FAM161A: variants seen among roughly 807,000 people sequenced by gnomAD.
The protein encoded by FAM161A is protein FAM161A.
A neutral mutation model predicts 70.9 loss-of-function variants in FAM161A; 57 were observed. The ratio of observed to expected loss-of-function variants is 0.80; its 90% CI spans 0.65 to 1.00. FAM161A has a LOEUF of 1.00. Among genes scored for constraint, FAM161A ranks in the 50% least tolerant of loss-of-function variants. FAM161A has a pLI of 0.00. For missense variants in FAM161A, 880 were observed against 836.0 expected, an observed-to-expected ratio of 1.05 and a Z score of -0.65; for synonymous variants, 299 against 295.7, an observed-to-expected ratio of 1.01 and a Z score of -0.12.
intron 5 of FAM161A, among the ~76,000 whole-genome samples, chr2:61,829,802 A>G (rs980447139): frequency 8.5e-5 from 13 of 152,192 alleles, no homozygotes; most frequent in African/African-American, 3.1e-4. Flanking sequence ...AGGACAACAT[A>G]GTTTATTCTG....
At chr2:61,824,309 T>C (rs749515745), downstream of FAM161A, among the ~76,000 whole-genome samples, 9 of 151,460 alleles carry the variant, frequency 5.9e-5, no homozygotes, top group Non-Finnish European at 1.0e-4. Flanking sequence ...AAGTGAACAG[T>C]GATATGCACA....
intron 1 of FAM161A, among the ~76,000 whole-genome samples, chr2:61,845,756 C>A (rs1444921135): frequency 2.6e-5 from 4 of 151,376 alleles, no homozygotes; most frequent in Non-Finnish European, 5.9e-5. Flanking sequence ...GAGCGCGCCA[C>A]TGCACTTGAG....
the FAM161A span, among the ~76,000 whole-genome samples, chr2:61,808,727 T>A: frequency 6.6e-6 from 1 of 152,056 alleles, no homozygotes; most frequent in Non-Finnish European, 1.5e-5. Context: ...AAAAGGTAAA[T>A]TGCTACTCTT....
intron 5 of FAM161A, among the ~76,000 whole-genome samples, chr2:61,832,420 A>C (rs1672617145): frequency 6.6e-6 from 1 of 152,240 alleles, no homozygotes; most frequent in Admixed American, 6.5e-5. Context: ...AAATTTGAGG[A>C]AATCTTCCAG....
At chr2:61,832,847 T>C (rs1332114551) in intron 5 of FAM161A, among the ~76,000 whole-genome samples, 1 of 152,094 alleles carries the variant, frequency 6.6e-6, no homozygotes, top group Non-Finnish European at 1.5e-5. Flanking sequence ...CCCTGGTCTG[T>C]GGAAAAATGG....
intron 4 of FAM161A, 21 bp downstream of exon 4, chr2:61,838,517 T>G (rs1672856575): frequency 6.3e-7 from 1 of 1,595,386 alleles, no homozygotes; most frequent in South Asian, 1.1e-5. Context: ...GGTCTGGAGA[T>G]TCAAGATTTT....
At chr2:61,847,612 A>G (rs1673274275) in intron 1 of FAM161A, among the ~76,000 whole-genome samples, 1 of 152,074 alleles carries the variant, frequency 6.6e-6, no homozygotes, top group Non-Finnish European at 1.5e-5. Context: ...CTCTACAAAA[A>G]ATACAAAAAA....
chr2:61,810,131 G>A, the FAM161A span, among the ~76,000 whole-genome samples: 3 of 152,184 alleles, frequency 2.0e-5, no homozygotes, highest in Non-Finnish European at 2.9e-5. Context: ...AATGGCCATT[G>A]TAAACCACTA....
At position 61,842,275 on chromosome 2, in the gene FAM161A, T is replaced by A. The variant is rs1209430060; in HGVS notation, c.269A>T (p.His90Leu). The change falls in exon 2 of 7, where the codon CAC becomes CTC. Residue 90 changes from histidine (H) to leucine (L), a missense_variant. His to Leu is a moderately conservative substitution (Grantham distance 99). Coordinates refer to ENST00000404929, the MANE Select transcript of FAM161A (RefSeq NM_001201543.2). ...TTTCTTGAAATACTCCTCATTAGAG[T>A]GGTGAATATCAGGAAAGTTCACAAA... is the stretch of plus-strand genomic sequence containing the variant. ...EDFVNFPDIHHSNEEYFKKVE... is the reference protein window; with the variant it reads ...EDFVNFPDIHLSNEEYFKKVE... 1.9e-6 allele frequency: 3 copies of A among 1,612,888 alleles called. No homozygotes were observed. The highest frequency in any genetic ancestry group is 2.5e-6 in the Non-Finnish European group (3 of 1,179,268).
At chr2:61,806,525 T>C in the FAM161A span, among the ~76,000 whole-genome samples, 1 of 152,166 alleles carries the variant, frequency 6.6e-6, no homozygotes, top group African/African-American at 2.4e-5. Flanking sequence ...CATGAAATTT[T>C]AATACTGATT....
At position 61,825,551 on chromosome 2, in the gene FAM161A, GA is replaced by G. The variant is rs769367574; in HGVS notation, c.*903del. The G allele has an allele frequency of 2.3e-6, 1 of 433,690 alleles. No homozygotes were observed. Among genetic ancestry groups the G allele is most frequent in the South Asian group, 1.7e-5 (1 of 59,348 alleles). The allele number at this position is 433,690 out of a possible 1,614,324, so 26.9% of individuals were successfully genotyped here. A position where few individuals can be genotyped will look rare whatever the true frequency, so the allele number is the denominator to read the frequency against. On this transcript the variant is annotated 3_prime_UTR_variant, in exon 7 of 7. Transcript: ENST00000404929. ...TTTGGACTAGAACTAAGGATAAAAAGAAAAAGGGATGATGGTGTAGACAATT... is the reference window on the plus strand; with the variant it reads ...TTTGGACTAGAACTAAGGATAAAAAGAAAAGGGATGATGGTGTAGACAATT...
downstream of FAM161A, among the ~76,000 whole-genome samples, chr2:61,823,360 ATCATAT>A: frequency 8.3e-5 from 1 of 12,044 alleles, no homozygotes; most frequent in Non-Finnish European, 1.7e-4. Context: ...TAAATTTTCC[ATCATAT>A]ATATATATAT....
rs1439941518 is a variant in FAM161A at position 61,854,046 on chromosome 2, C to T, written c.-5G>A. ...CACTCGGTGGGAGGTGGCCATCGCC[C>T]CGCCTCCGAGGCCTGAGCGCCTGCG... On this transcript the variant is annotated 5_prime_UTR_variant, in exon 1 of 7. Transcript: ENST00000404929. 1.2e-5 allele frequency: 20 copies of T among 1,601,116 alleles called. No homozygotes were observed. The highest frequency in any genetic ancestry group is 5.2e-5 in the Admixed American group (3 of 57,404).
chr2:61,839,611 C>T lies in FAM161A; in HGVS notation c.1393G>A (p.Ala465Thr). ...AAAATTTTTTCTCTTTTAATAGATG[C>T]ATGTGGAGATGCATGAAGATCAAAT... ...KPFDLHASPH[A>T]SIKREKILAD... Residue 465 changes from alanine (A) to threonine (T), a missense_variant, in exon 3 of 7, where the codon GCA becomes ACA. Physicochemically the swap from Ala to Thr is moderately conservative, Grantham distance 58 (BLOSUM62 0). Transcript: ENST00000404929. 5.6e-6 allele frequency: 9 copies of T among 1,614,192 alleles called. No individual in the cohort carries two copies. Among genetic ancestry groups the T allele is most frequent in the Non-Finnish European group, 7.6e-6 (9 of 1,180,026 alleles).
the FAM161A span, among the ~76,000 whole-genome samples, chr2:61,817,599 T>C: frequency 3.3e-5 from 5 of 152,240 alleles, no homozygotes; most frequent in African/African-American, 4.8e-5. Flanking sequence ...AAGCCCAGCA[T>C]TGAGATACAC....
chr2:61,838,311 T>C (rs947249708), intron 4 of FAM161A, among the ~76,000 whole-genome samples: 3 of 152,208 alleles, frequency 2.0e-5, no homozygotes, highest in African/African-American at 7.2e-5. Context: ...AATGTCTGTA[T>C]TCATCAACAT....
At chr2:61,815,839 C>T in the FAM161A span, among the ~76,000 whole-genome samples, 1 of 152,050 alleles carries the variant, frequency 6.6e-6, no homozygotes, top group Non-Finnish European at 1.5e-5. Context: ...GCGTGAGCCA[C>T]CACACCTGGC....
At chr2:61,816,235 T>A in the FAM161A span, among the ~76,000 whole-genome samples, 1 of 152,116 alleles carries the variant, frequency 6.6e-6, no homozygotes, top group South Asian at 2.1e-4. Context: ...TGCATAGAAG[T>A]CTTACTCCTG....
chr2:61,841,532 C>T (rs1039985617), intron 2 of FAM161A, among the ~76,000 whole-genome samples: 2 of 152,154 alleles, frequency 1.3e-5, no homozygotes, highest in African/African-American at 2.4e-5. Flanking sequence ...CACTCTGTTA[C>T]ATCATGCTGT....
Sources: gnomAD v4.1 joint callset for allele counts (sites outside exome capture counted in the v4.1 genomes callset) on GRCh38, gnomAD v4.1.1 for gene constraint, MANE v1.5 for transcripts, NCBI Gene and HGNC (gene_info 2026-07-23, HGNC 2026-07-21) for gene names.